Variants in SLC6A17 observed in about 807,000 individuals in gnomAD.
SLC6A17 encodes the protein sodium-dependent neutral amino acid transporter SLC6A17.
A neutral mutation model predicts 64.5 loss-of-function variants in SLC6A17; 21 were observed. That is an observed-to-expected ratio of 0.33 (90% confidence interval 0.23 to 0.47). SLC6A17 has a LOEUF of 0.47. Ranked by LOEUF, SLC6A17 falls within the 20% of genes least tolerant of loss-of-function variation. SLC6A17 has a pLI of 1.00. For synonymous variants in SLC6A17, 372 were observed against 399.5 expected (o/e 0.93, Z 0.82); for missense variants, 682 against 963.2 (o/e 0.71, Z 3.86).
intron 2 of SLC6A17, among the ~76,000 whole-genome samples, chr1:110,171,460 T>G (rs1656220910): frequency 1.3e-5 from 2 of 152,224 alleles, no homozygotes; most frequent in South Asian, 4.1e-4. Flanking sequence ...TATGCTTTCC[T>G]GAACTGCTAA....
At chr1:110,176,860 A>G (rs1656390485) in intron 6 of SLC6A17, 121 bp downstream of exon 6, 1 of 877,354 alleles carries the variant, frequency 1.1e-6, no homozygotes, top group Non-Finnish European at 1.8e-6. Flanking sequence ...TGGGTATCGT[A>G]CCAGGCCCTG....
intron 6 of SLC6A17, among the ~76,000 whole-genome samples, chr1:110,187,288 C>T (rs1276333293): frequency 6.6e-6 from 1 of 152,176 alleles, no homozygotes; most frequent in Non-Finnish European, 1.5e-5. Flanking sequence ...GACTCCAGTG[C>T]AGTCATGTGA....
intron 1 of SLC6A17, among the ~76,000 whole-genome samples, chr1:110,153,519 ATG>A (rs3222731): frequency 0.016 from 2,227 of 137,018 alleles, 22 homozygotes; most frequent in East Asian, 0.036. Flanking sequence ...GCTACTGGAA[ATG>A]TGTGTGTGTG....
chr1:110,173,435 T>G (rs1656292733), intron 3 of SLC6A17, among the ~76,000 whole-genome samples: 1 of 152,204 alleles, frequency 6.6e-6, no homozygotes, highest in African/African-American at 2.4e-5. Context: ...TAAATAAAAT[T>G]CTACCAATGT....
chr1:110,197,991 G>A, intron 11 of SLC6A17, 85 bp from the exon 12 acceptor site: 2 of 1,522,132 alleles, frequency 1.3e-6, no homozygotes, highest in South Asian at 2.6e-5. Context: ...GGCCATGGGT[G>A]AGGGCAGGAG....
Position 110,198,904 on chromosome 1 carries a change from G to C in SLC6A17, c.*460G>C, listed in dbSNP as rs1657044133. The C allele has an allele frequency of 6.2e-6, 1 of 161,214 alleles. No individual in the cohort carries two copies. Among genetic ancestry groups the C allele is most frequent in the African/African-American group, 2.4e-5 (1 of 41,638 alleles). The allele number at this position is 161,214 out of a possible 1,614,324, so 10.0% of individuals were successfully genotyped here. ...TTGGCTCACTCTGCCATGAGAACAG[G>C]ACACCATCCTGCCCAGCCCAGACGG... On this transcript the variant is annotated 3_prime_UTR_variant, in exon 12 of 12. Coordinates refer to ENST00000331565, the MANE Select transcript of SLC6A17 (RefSeq NM_001010898.4).
At position 110,198,741 on chromosome 1, in the gene SLC6A17, C is replaced by G. The variant is rs991509830; in HGVS notation, c.*297C>G. 2.2e-5 allele frequency: 7 copies of G among 321,390 alleles called. No individual in the cohort carries two copies. The highest frequency in any genetic ancestry group is 4.6e-5 in the Admixed American group (1 of 21,508). 19.9% of individuals were successfully genotyped at this position (321,390 alleles called of 1,614,324 possible). On this transcript the variant is annotated 3_prime_UTR_variant, in exon 12 of 12. Transcript: ENST00000331565. Reference sequence around the variant, plus strand: ...CAACCCATAAGGCCTGCTTCCCAGTCCATGGGAGATTCCAAGTGGCCACTG... The same window carrying G: ...CAACCCATAAGGCCTGCTTCCCAGTGCATGGGAGATTCCAAGTGGCCACTG...
At chr1:110,184,977 T>A (rs1350116726) in intron 6 of SLC6A17, among the ~76,000 whole-genome samples, 2 of 152,048 alleles carry the variant, frequency 1.3e-5, no homozygotes, top group African/African-American at 2.4e-5. Context: ...GAGAAGTGGG[T>A]TCTCTGCAAG....
At chr1:110,187,246 C>T (rs995121544) in intron 6 of SLC6A17, among the ~76,000 whole-genome samples, 1 of 152,022 alleles carries the variant, frequency 6.6e-6, no homozygotes, top group African/African-American at 2.4e-5. Flanking sequence ...ATTCGCGAAT[C>T]GGGCAGCCTT....
chr1:110,188,187 C>T (rs550499492), intron 6 of SLC6A17, among the ~76,000 whole-genome samples: 2 of 152,352 alleles, frequency 1.3e-5, no homozygotes, highest in East Asian at 1.9e-4. Flanking sequence ...ATCACATTAC[C>T]TTTCTAAAAT....
intron 6 of SLC6A17, among the ~76,000 whole-genome samples, chr1:110,184,858 G>A (rs549456547): frequency 5.9e-5 from 9 of 152,294 alleles, no homozygotes; most frequent in East Asian, 1.9e-4. Flanking sequence ...GGGGTACACC[G>A]GAAACTGACA....
At chr1:110,180,203 C>CA (rs1415061509) in intron 6 of SLC6A17, among the ~76,000 whole-genome samples, 2 of 152,234 alleles carry the variant, frequency 1.3e-5, no homozygotes, top group African/African-American at 4.8e-5. Context: ...CCATGCTCTC[C>CA]AGCTGATAAA....
At chr1:110,161,885 C>T (rs1339487208) in intron 1 of SLC6A17, among the ~76,000 whole-genome samples, 2 of 152,230 alleles carry the variant, frequency 1.3e-5, no homozygotes, top group African/African-American at 4.8e-5. Context: ...GAAAAATTTT[C>T]GTGGAGCCCT....
chr1:110,173,029 C>T (rs1436151066), intron 3 of SLC6A17, among the ~76,000 whole-genome samples: 1 of 152,222 alleles, frequency 6.6e-6, no homozygotes, highest in African/African-American at 2.4e-5. Flanking sequence ...CCTATTGCAG[C>T]CCCCTGCTCT....
In SLC6A17 at chr1:110,197,481, G is replaced by A; in HGVS notation, c.1697G>A (p.Arg566His). ...GAGATGCTGGGCTTCCGCCCCTACCGCTTCTATTTCTACATGTGGAAGTTC... is the reference window on the plus strand; with the variant it reads ...GAGATGCTGGGCTTCCGCCCCTACCACTTCTATTTCTACATGTGGAAGTTC... ...LTEMLGFRPY[R>H]FYFYMWKFVS... is the part of the protein sequence containing the mutation. Residue 566 changes from arginine to histidine, a missense_variant, in exon 11 of 12, where the codon CGC becomes CAC. Transcript: ENST00000331565. 1 of 1,613,636 alleles carries A rather than the reference G, an allele frequency of 6.2e-7. No individual in the cohort carries two copies. The highest frequency in any genetic ancestry group is 8.5e-7 in the Non-Finnish European group (1 of 1,179,940).
intron 1 of SLC6A17, among the ~76,000 whole-genome samples, chr1:110,158,141 G>A (rs1333116502): frequency 6.6e-6 from 1 of 152,110 alleles, no homozygotes; most frequent in African/African-American, 2.4e-5. Context: ...GACATTATTT[G>A]CTCTGTTCTC....
chr1:110,199,637 C>T lies in SLC6A17; in HGVS notation c.*1193C>T, dbSNP rs76945902. 1,023 of 267,200 alleles carry T rather than the reference C, an allele frequency of 3.8e-3. 12 individuals are homozygous for T. The highest frequency in any genetic ancestry group is 0.021 in the African/African-American group (953 of 45,660). 16.6% of individuals were successfully genotyped at this position (267,200 alleles called of 1,614,324 possible). A position where few individuals can be genotyped will look rare whatever the true frequency, so the allele number is the denominator to read the frequency against. ...CCAAGCCTTCCTGGCCCACAGTGGCCAGTGCCATAGGCAGTGCTGTGGACA... is the reference window on the plus strand; with the variant it reads ...CCAAGCCTTCCTGGCCCACAGTGGCTAGTGCCATAGGCAGTGCTGTGGACA... On this transcript the variant is annotated 3_prime_UTR_variant, in exon 12 of 12. Transcript: ENST00000331565.
intron 6 of SLC6A17, among the ~76,000 whole-genome samples, chr1:110,179,532 T>TCCCCG (rs1557836352): frequency 1.5e-5 from 1 of 67,938 alleles, no homozygotes. Context: ...CCCCTTCCCC[T>TCCCCG]CCCCTCCCCT....
At position 110,194,809 on chromosome 1, in the gene SLC6A17, C is replaced by CA. The variant is rs1171710148; in HGVS notation, c.1492+38_1492+39insA. 3 of 1,605,006 alleles carry CA rather than the reference C, an allele frequency of 1.9e-6. No homozygotes were observed. In the Admixed American group the frequency reaches 5.0e-5, roughly 27 times the overall value. ...TGCCCCCATGCCCAGGCTCTGCAGG[C>CA]TGCCCTTGTGGACAACAATTCCGTT... On this transcript the variant is annotated intron_variant, in intron 9 of 11. Coordinates refer to ENST00000331565, the MANE Select transcript of SLC6A17 (RefSeq NM_001010898.4).
Sources: allele counts gnomAD v4.1 joint callset (sites outside exome capture counted in the v4.1 genomes callset), GRCh38; gene constraint gnomAD v4.1.1; transcripts MANE v1.5; gene names NCBI Gene and HGNC (gene_info 2026-07-23, HGNC 2026-07-21).